Variants in GC observed in about 807,000 individuals in gnomAD.
GC encodes GC vitamin D binding protein.
Under a neutral mutation model 56.7 loss-of-function variants are expected in GC, and 43 were observed. That is an observed-to-expected ratio of 0.76 (90% CI 0.59 to 0.98). The LOEUF (loss-of-function observed/expected upper bound fraction) is 0.98. Ranked by LOEUF, GC falls within the 50% of genes least tolerant of loss-of-function variation. The probability of loss-of-function intolerance (pLI) is 0.00; values close to 1 mark genes in which losing one functional copy is unlikely to be tolerated. For synonymous variants in GC, 216 were observed against 202.7 expected, an observed-to-expected ratio of 1.07 and a Z score of -0.56; for missense variants, 529 against 545.9, an observed-to-expected ratio of 0.97 and a Z score of 0.31.
At chr4:71,762,501 G>A (rs926997691) in intron 6 of GC, among the ~76,000 whole-genome samples, 11 of 152,306 alleles carry the variant, frequency 7.2e-5, no homozygotes, top group Admixed American at 2.6e-4. Flanking sequence ...CTGTTGGGAA[G>A]GCATAATTAG....
At chr4:71,763,175 A>C (rs1379410092) in intron 6 of GC, among the ~76,000 whole-genome samples, 1 of 152,226 alleles carries the variant, frequency 6.6e-6, no homozygotes, top group Non-Finnish European at 1.5e-5. Context: ...ACTATATGGA[A>C]AAGATTGATT....
Position 71,748,266 on chromosome 4 carries a change from A to G in GC, c.1396-2061T>C, listed in dbSNP as rs376371786. On this transcript the variant is annotated intron_variant, in intron 11 of 12. Transcript: ENST00000273951. ...TATGACACTGAAGATTATAAAATCA[A>G]GTTATACTGAGAGATAAAACAAACT... Among the ~76,000 whole-genome samples, 347 of 152,276 alleles carry G rather than the reference A, an allele frequency of 2.3e-3. 14 individuals carry two copies. The South Asian group carries it at 0.07, about 31-fold the overall frequency.
intron 6 of GC, among the ~76,000 whole-genome samples, chr4:71,763,200 T>C (rs574816342): frequency 6.6e-6 from 1 of 152,346 alleles, no homozygotes; most frequent in East Asian, 1.9e-4. Context: ...GCAAATCTCA[T>C]GTTTTATGAC....
At chr4:71,752,463 T>G in intron 11 of GC, 55 bp downstream of exon 11, 2 of 1,407,370 alleles carry the variant, frequency 1.4e-6, no homozygotes, top group Non-Finnish European at 2.0e-6. Flanking sequence ...TAGATTGGAG[T>G]GCATACGTTC....
At chr4:71,792,021 T>C (rs1157127041) in intron 1 of GC, among the ~76,000 whole-genome samples, 1 of 152,224 alleles carries the variant, frequency 6.6e-6, no homozygotes, top group Non-Finnish European at 1.5e-5. Context: ...CTGCATAGTA[T>C]TCCATGGTGT....
At chr4:71,796,792 C>T (rs955771195) in intron 1 of GC, among the ~76,000 whole-genome samples, 1 of 152,172 alleles carries the variant, frequency 6.6e-6, no homozygotes, top group Non-Finnish European at 1.5e-5. Context: ...TTCTCCCCAT[C>T]TTTGTGGTTT....
At chr4:71,792,069 TG>T (rs1179775260) in intron 1 of GC, among the ~76,000 whole-genome samples, 1 of 152,258 alleles carries the variant, frequency 6.6e-6, no homozygotes, top group African/African-American at 2.4e-5. Flanking sequence ...CTATCATTGA[TG>T]GACATTTGGG....
intron 1 of GC, among the ~76,000 whole-genome samples, chr4:71,772,086 A>G (rs1177577899): frequency 1.3e-5 from 2 of 152,166 alleles, no homozygotes; most frequent in South Asian, 2.1e-4. Flanking sequence ...TTAAATAACC[A>G]TATATTGTAA....
upstream of GC, chr4:71,804,067 G>C: frequency 1.4e-6 from 1 of 722,178 alleles, no homozygotes; most frequent in Non-Finnish European, 2.5e-6. Context: ...GTTGGTCTTA[G>C]ACAAAGATTT....
intron 4 of GC, 34 bp downstream of exon 4, chr4:71,765,398 G>T: frequency 6.6e-7 from 1 of 1,508,594 alleles, no homozygotes; most frequent in Non-Finnish European, 9.2e-7. Flanking sequence ...GATACTTTAG[G>T]TCCTAAAGTT....
chr4:71,744,291 A>G (rs1741281900), intron 12 of GC, among the ~76,000 whole-genome samples: 1 of 150,428 alleles, frequency 6.6e-6, no homozygotes. Flanking sequence ...AAATACAAAA[A>G]AAAAAAAAAA....
At chr4:71,746,073 T>C in intron 12 of GC, 78 bp downstream of exon 12, 1 of 707,098 alleles carries the variant, frequency 1.4e-6, no homozygotes, top group Non-Finnish European at 2.6e-6. Flanking sequence ...TATTAAAGTC[T>C]CCTTCCCATT....
At chr4:71,779,963 T>C (rs560993886) in intron 1 of GC, among the ~76,000 whole-genome samples, 1 of 151,990 alleles carries the variant, frequency 6.6e-6, no homozygotes, top group South Asian at 2.1e-4. Flanking sequence ...ATGCTGTGAA[T>C]GAAATGCTTA....
At chr4:71,774,883 G>A (rs891852356) in intron 1 of GC, among the ~76,000 whole-genome samples, 1 of 151,838 alleles carries the variant, frequency 6.6e-6, no homozygotes, top group Non-Finnish European at 1.5e-5. Context: ...TTTTGTCCAT[G>A]AGTTAGAGAA....
At chr4:71,792,463 A>G (rs938962282) in intron 1 of GC, among the ~76,000 whole-genome samples, 25 of 152,104 alleles carry the variant, frequency 1.6e-4, no homozygotes, top group African/African-American at 6.0e-4. Context: ...GTCTTCTTTT[A>G]AGAAGTGTCT....
At chr4:71,778,953 A>G (rs1288956428) in intron 1 of GC, among the ~76,000 whole-genome samples, 11 of 148,750 alleles carry the variant, frequency 7.4e-5, no homozygotes, top group African/African-American at 2.7e-4. Flanking sequence ...TCATTTTTAT[A>G]CATATGAGTG....
intron 1 of GC, 31 bp downstream of exon 1, chr4:71,783,930 C>T: frequency 6.6e-7 from 1 of 1,526,668 alleles, no homozygotes; most frequent in South Asian, 1.3e-5. Flanking sequence ...GTAAGAATTC[C>T]TGTAAATGGT....
intron 7 of GC, 84 bp from the exon 8 acceptor site, chr4:71,756,998 T>G: frequency 1.1e-6 from 1 of 908,794 alleles, no homozygotes; most frequent in Non-Finnish European, 1.8e-6. Flanking sequence ...TTACAAGCTT[T>G]GGCATCACAT....
chr4:71,751,166 G>A (rs547633256), intron 11 of GC, among the ~76,000 whole-genome samples: 10 of 152,244 alleles, frequency 6.6e-5, no homozygotes, highest in Admixed American at 3.9e-4. Flanking sequence ...GGATGTGAAC[G>A]TATGGGCTGA....
Sources: gnomAD v4.1 joint callset for allele counts (sites outside exome capture counted in the v4.1 genomes callset) on GRCh38, gnomAD v4.1.1 for gene constraint, MANE v1.5 for transcripts, NCBI Gene and HGNC (gene_info 2026-07-23, HGNC 2026-07-21) for gene names.